FAAH2: variants seen among roughly 807,000 people sequenced by gnomAD.
FAAH2 encodes the protein fatty acid amide hydrolase 2.
Under a neutral mutation model 36.9 loss-of-function variants are expected in FAAH2, and 60 were observed. That is an observed-to-expected ratio of 1.63 (90% confidence interval 1.32 to 2.02). FAAH2 has a LOEUF of 2.02. Ranked by LOEUF, FAAH2 falls within the 30% of genes most tolerant of loss-of-function variation. The pLI is 0.00. For synonymous variants in FAAH2, 214 were observed against 143.8 expected, an observed-to-expected ratio of 1.49 and a Z score of -3.49; for missense variants, 689 against 397.5, an observed-to-expected ratio of 1.73 and a Z score of -6.23.
chrX:57,464,518 C>A (rs1248569083), intron 10 of FAAH2, among the ~76,000 whole-genome samples: 779 of 60,049 alleles, frequency 0.013, no homozygotes, highest in African/African-American at 0.022. Flanking sequence ...ATAGCAATTG[C>A]AAAAAAAAAA....
intron 7 of FAAH2, among the ~76,000 whole-genome samples, chrX:57,410,697 G>C (rs1431965346): frequency 3.6e-5 from 4 of 110,696 alleles, no homozygotes; most frequent in Non-Finnish European, 7.6e-5. Context: ...ACTTTTTGAT[G>C]CTGCAATTTG....
intron 8 of FAAH2, among the ~76,000 whole-genome samples, chrX:57,439,842 C>T (rs780202715): frequency 8.0e-5 from 9 of 111,840 alleles, no homozygotes; most frequent in Non-Finnish European, 1.5e-4. Context: ...TTCCCAGCAC[C>T]ATTTATTAAA....
the FAAH2 span, among the ~76,000 whole-genome samples, chrX:57,130,652 A>G: frequency 8.9e-6 from 1 of 112,403 alleles, no homozygotes; most frequent in African/African-American, 3.2e-5. Flanking sequence ...CCTGTGGTCA[A>G]TCAGTGGTAT....
At chrX:57,148,819 G>T in the FAAH2 span, among the ~76,000 whole-genome samples, 1 of 111,296 alleles carries the variant, frequency 9.0e-6, no homozygotes, top group Non-Finnish European at 1.9e-5. Context: ...GGTGAGAGAG[G>T]GCATCCCTGT....
At chrX:57,216,556 A>ATATACG in the FAAH2 span, among the ~76,000 whole-genome samples, 10 of 52,834 alleles carry the variant, frequency 1.9e-4, 1 homozygote, top group African/African-American at 1.0e-3. Context: ...ATATGTATAT[A>ATATACG]TATATATACG....
chrX:57,437,690 T>C (rs1454847895), intron 8 of FAAH2, among the ~76,000 whole-genome samples: 2 of 98,558 alleles, frequency 2.0e-5, no homozygotes, highest in African/African-American at 7.4e-5. Context: ...ATATATAATG[T>C]ATATATTACA....
At chrX:57,466,805 C>T (rs1334177746) in intron 10 of FAAH2, among the ~76,000 whole-genome samples, 2 of 111,519 alleles carry the variant, frequency 1.8e-5, no homozygotes, top group Admixed American at 9.6e-5. Flanking sequence ...CAGTGACAGT[C>T]TAAGAATGCA....
At chrX:57,378,093 C>A (rs938648096) in intron 5 of FAAH2, among the ~76,000 whole-genome samples, 2 of 111,776 alleles carry the variant, frequency 1.8e-5, no homozygotes, top group African/African-American at 3.3e-5. Context: ...GTCTTGAAAT[C>A]TGGTTATCCA....
the FAAH2 span, among the ~76,000 whole-genome samples, chrX:57,191,204 C>T: frequency 1.8e-5 from 2 of 111,910 alleles, no homozygotes; most frequent in African/African-American, 3.2e-5. Context: ...GATAGTATCT[C>T]ATTGTAGTTT....
intron 8 of FAAH2, among the ~76,000 whole-genome samples, chrX:57,433,810 A>G (rs926358530): frequency 2.7e-5 from 3 of 112,305 alleles, no homozygotes; most frequent in African/African-American, 9.7e-5. Context: ...ATCTCTTAAA[A>G]AATGGTTGTA....
intron 5 of FAAH2, among the ~76,000 whole-genome samples, chrX:57,365,964 T>C: frequency 8.9e-6 from 1 of 112,012 alleles, no homozygotes; most frequent in Middle Eastern, 4.6e-3. Context: ...TTGTGTCCCT[T>C]GGATGTTTTT....
chrX:57,388,287 G>T (rs968048648), intron 7 of FAAH2, among the ~76,000 whole-genome samples: 1 of 111,358 alleles, frequency 9.0e-6, no homozygotes. Context: ...CTCAATAGTT[G>T]CTAACTGATG....
the FAAH2 span, among the ~76,000 whole-genome samples, chrX:57,220,394 T>C: frequency 9.0e-6 from 1 of 110,682 alleles, no homozygotes; most frequent in Non-Finnish European, 1.9e-5. Flanking sequence ...CGCCTCTGTC[T>C]ATCCTCCACT....
intron 2 of FAAH2, among the ~76,000 whole-genome samples, chrX:57,298,778 C>A (rs1210103898): frequency 2.4e-5 from 2 of 84,188 alleles, no homozygotes; most frequent in Admixed American, 2.8e-4. Context: ...GGGCATGTCA[C>A]CACTGATCCC....
At chrX:57,223,994 G>A in the FAAH2 span, among the ~76,000 whole-genome samples, 5 of 111,284 alleles carry the variant, frequency 4.5e-5, no homozygotes, top group South Asian at 3.8e-4. Flanking sequence ...CTCACCAGTC[G>A]TAAACAAAAA....
chrX:57,247,342 C>G, the FAAH2 span, among the ~76,000 whole-genome samples: 1 of 111,676 alleles, frequency 9.0e-6, no homozygotes, highest in Non-Finnish European at 1.9e-5. Flanking sequence ...AAACAGGCTT[C>G]CACTCAAGAG....
the FAAH2 span, among the ~76,000 whole-genome samples, chrX:57,202,483 G>A: frequency 9.0e-6 from 1 of 111,645 alleles, no homozygotes; most frequent in African/African-American, 3.3e-5. Flanking sequence ...TTTCTCCTAA[G>A]CAAATGGAGT....
intron 3 of FAAH2, among the ~76,000 whole-genome samples, chrX:57,317,677 C>T (rs1265142624): frequency 1.8e-5 from 2 of 111,800 alleles, no homozygotes; most frequent in Admixed American, 9.5e-5. Context: ...TAATAGACAT[C>T]TACAGAACTC....
At chrX:57,394,639 C>A (rs2055249720) in intron 7 of FAAH2, 1 of 1,032,702 alleles carries the variant, frequency 9.7e-7, no homozygotes, top group Non-Finnish European at 1.4e-6. Flanking sequence ...CAGGAACGGG[C>A]CTCGTCGTAT....
Sources: allele counts gnomAD v4.1 joint callset (sites outside exome capture counted in the v4.1 genomes callset), GRCh38; gene constraint gnomAD v4.1.1; transcripts MANE v1.5; gene names NCBI Gene and HGNC (gene_info 2026-07-23, HGNC 2026-07-21).